The following KASH5 variants were observed in gnomAD, a reference collection of about 807,000 sequenced individuals.
KASH5 encodes the protein KASH domain containing 5, also known as protein KASH5.
In KASH5, 72 loss-of-function variants were observed where a neutral mutation model predicts 84.2. That is an observed-to-expected ratio of 0.85 (90% CI 0.71 to 1.04). The LOEUF is 1.04. Among genes scored for constraint, KASH5 ranks in the 50% least tolerant of loss-of-function variants. The probability of loss-of-function intolerance (pLI) is 0.00; values close to 1 mark genes in which losing one functional copy is unlikely to be tolerated. For missense variants in KASH5, 650 were observed against 701.0 expected (o/e 0.93, Z 0.82); for synonymous variants, 260 against 279.1 (o/e 0.93, Z 0.68).
rs1974471843 is a variant in KASH5, at chr19:49,404,800, T to C, written c.799-2086T>C. 2.0e-5 allele frequency among the ~76,000 whole-genome samples: 3 copies of C among 152,192 alleles called. No individual in the cohort carries two copies. In the South Asian group the frequency reaches 6.2e-4, roughly 32 times the overall value. On this transcript the variant is annotated intron_variant, in intron 9 of 19. Transcript: ENST00000447857. ...GGGCAACCAGACTTGGCATTACTCC[T>C]GAATGGCACAATTTGATATGTATAG...
In KASH5 at chr19:49,399,064, G is replaced by T; in HGVS notation, c.669G>T (p.Glu223Asp). Reference protein sequence around the residue: ...QALQFAKAMDEELEDLKTLAR... With the variant: ...QALQFAKAMDDELEDLKTLAR... ...TGCAGTTTGCCAAGGCCATGGATGA[G>T]GAGCTGGAGGACCTGAAGACTCTGG... The change falls in exon 8 of 20, where the codon GAG becomes GAT. Residue 223 changes from glutamate (E) to aspartate (D), a missense_variant. Coordinates refer to ENST00000447857, the MANE Select transcript of KASH5 (RefSeq NM_144688.5). The surrounding 1 kb of genome is among the most constrained non-coding windows in gnomAD (Gnocchi z 4.4). 1.3e-6 allele frequency: 2 copies of T among 1,551,674 alleles called. No homozygotes were observed. Among genetic ancestry groups the T allele is most frequent in the Non-Finnish European group, 1.7e-6 (2 of 1,146,990 alleles).
In KASH5 at chr19:49,399,201, G is replaced by A. The variant is rs544348751; in HGVS notation, c.747+59G>A. On this transcript the variant is annotated intron_variant, in intron 8 of 19. Transcript: ENST00000447857. The surrounding 1 kb of genome is among the most constrained non-coding windows in gnomAD (Gnocchi z 4.4). ...TCTCTTCTTTGTTTCCTGGAGTCAG[G>A]GCGGCAGAGTGTGACTATGGAGTAG... is the stretch of plus-strand genomic sequence containing the variant. The A allele has an allele frequency of 1.7e-4, 236 of 1,427,070 alleles. No homozygotes were observed. The African/African-American group carries it at 3.1e-3, about 18-fold the overall frequency. 88.4% of individuals were successfully genotyped at this position (1,427,070 alleles called of 1,614,324 possible).
At position 49,399,595 on chromosome 19, in the gene KASH5, C is replaced by T. The variant is rs1380448829; in HGVS notation, c.798+88C>T. On this transcript the variant is annotated intron_variant, in intron 9 of 19. Transcript: ENST00000447857. This position sits in a 1 kb window ranked among gnomAD's most constrained non-coding sequence, Gnocchi z 4.4. ...CTCCCTTCTGCCCCCAACACCCCAG[C>T]AGCCTGTCTTGGGGAGACCTCAGAA... 6.4e-7 allele frequency: 1 copy of T among 1,551,842 alleles called. No individual in the cohort carries two copies. Among genetic ancestry groups the T allele is most frequent in the South Asian group, 1.2e-5 (1 of 84,114 alleles).
At chr19:49,389,136 A>C in intron 1 of KASH5, among the ~76,000 whole-genome samples, 1 of 76,720 alleles carries the variant, frequency 1.3e-5, no homozygotes, top group Non-Finnish European at 2.3e-5. Context: ...AGACCCCCGC[A>C]TAAATCAAGA....
rs201890660 is a variant in KASH5, at chr19:49,395,174, C to A, written c.217C>A (p.Arg73Ser). 6.2e-7 allele frequency: 1 copy of A among 1,612,964 alleles called. No individual in the cohort carries two copies. The highest frequency in any genetic ancestry group is 1.3e-5 in the African/African-American group (1 of 75,000). ...GACAGGCCAGGGCCCCCAGGATGCA[C>A]GCCTCCAAACATTGGCCAACAGCCT... ...AVTGQGPQDARLQTLANSLDP... is the reference protein window; with the variant it reads ...AVTGQGPQDASLQTLANSLDP... Residue 73 changes from arginine to serine, a missense_variant, in exon 4 of 20, where the codon CGC (arginine) becomes AGC (serine). Coordinates refer to ENST00000447857, the MANE Select transcript of KASH5 (RefSeq NM_144688.5). This position sits in a 1 kb window ranked among gnomAD's most constrained non-coding sequence, Gnocchi z 4.4.
At chr19:49,402,168 G>A (rs1051941444) in intron 9 of KASH5, among the ~76,000 whole-genome samples, 12 of 151,886 alleles carry the variant, frequency 7.9e-5, no homozygotes, top group Non-Finnish European at 1.8e-4. Flanking sequence ...CTTGAACCCA[G>A]GAGGCAGAGG....
chr19:49,394,710 G>A, intron 3 of KASH5, 130 bp downstream of exon 3: 1 of 681,048 alleles, frequency 1.5e-6, no homozygotes, highest in Admixed American at 2.6e-5. Context: ...CAAAGTGGGT[G>A]ATTATGGGAA....
chr19:49,406,744 G>A, intron 9 of KASH5, 142 bp from the exon 10 acceptor site: 1 of 722,118 alleles, frequency 1.4e-6, no homozygotes, highest in Middle Eastern at 2.6e-4. Flanking sequence ...TGGAATGGTT[G>A]GAGGAATTAA....
intron 9 of KASH5, among the ~76,000 whole-genome samples, chr19:49,404,883 C>G (rs1568617522): frequency 6.6e-6 from 1 of 152,144 alleles, no homozygotes; most frequent in African/African-American, 2.4e-5. Flanking sequence ...CTGGATCTAC[C>G]TACCAGTTTA....
intron 5 of KASH5, among the ~76,000 whole-genome samples, chr19:49,396,064 A>T (rs996777553): frequency 1.3e-5 from 2 of 151,922 alleles, no homozygotes; most frequent in Non-Finnish European, 2.9e-5. Flanking sequence ...CCTATTAGAG[A>T]GGCCTACGAG....
intron 9 of KASH5, among the ~76,000 whole-genome samples, chr19:49,403,383 A>G (rs540736108): frequency 0.014 from 1,299 of 95,634 alleles, 6 homozygotes; most frequent in Non-Finnish European, 0.018. Flanking sequence ...AAATAAAAAA[A>G]AAGGGGGGGG....
chr19:49,391,591 A>G (rs1243815207), intron 2 of KASH5: 1 of 152,206 alleles, frequency 6.6e-6, no homozygotes, highest in Non-Finnish European at 1.5e-5. Context: ...TAAAAAATGT[A>G]TCCAGATAAT....
chr19:49,389,007 C>G (rs909443279), intron 1 of KASH5, among the ~76,000 whole-genome samples: 1 of 151,832 alleles, frequency 6.6e-6, no homozygotes, highest in Non-Finnish European at 1.5e-5. Flanking sequence ...GAAATGCACT[C>G]AGAGACCCCC....
intron 9 of KASH5, among the ~76,000 whole-genome samples, chr19:49,403,408 C>A (rs1393903850): frequency 6.6e-6 from 1 of 152,094 alleles, no homozygotes; most frequent in Non-Finnish European, 1.5e-5. Context: ...CCAGGAAATG[C>A]CCCTCTCGTG....
Position 49,417,207 on chromosome 19 carries a change from G to C in KASH5, c.1488G>C (p.Lys496Asn). 1.2e-6 allele frequency: 2 copies of C among 1,613,900 alleles called. No individual in the cohort carries two copies. Among genetic ancestry groups the C allele is most frequent in the East Asian group, 2.2e-5 (1 of 44,884 alleles). The change falls in exon 19 of 20, where the codon AAG becomes AAC. Residue 496 changes from lysine (K) to asparagine (N), a missense_variant. Physicochemically the swap from Lys to Asn is moderately conservative, Grantham distance 94. Transcript: ENST00000447857. This position sits in a 1 kb window ranked among gnomAD's most constrained non-coding sequence, Gnocchi z 5.2. ...LQQALVPVMK[K>N]LVPVRRRAWG... ...AAGCCCTGGTGCCTGTGATGAAAAAGCTGGTCCCAGTCAGGAGGAGGGCCT... is the reference window on the plus strand; with the variant it reads ...AAGCCCTGGTGCCTGTGATGAAAAACCTGGTCCCAGTCAGGAGGAGGGCCT...
At position 49,409,288 on chromosome 19, in the gene KASH5, G is replaced by A. The variant is rs188572864; in HGVS notation, c.1146+5G>A. 675 of 1,613,064 alleles carry A rather than the reference G, an allele frequency of 4.2e-4. 2 individuals are homozygous for A. In the African/African-American group the frequency reaches 7.2e-3, roughly 17 times the overall value. ...GAGATCGAGGCCATTCGACAGGTGG[G>A]CCTAACACCCCTGGAATAAGCTGCA... is the stretch of plus-strand genomic sequence containing the variant. On this transcript the variant is annotated splice_donor_5th_base_variant and intron_variant, in intron 14 of 19. Transcript: ENST00000447857.
intron 17 of KASH5, chr19:49,415,252 G>A (rs1190239484): frequency 3.5e-6 from 2 of 566,454 alleles, no homozygotes; most frequent in Non-Finnish European, 6.3e-6. Context: ...CAGGGCTGCA[G>A]CCACCACACC....
intron 15 of KASH5, 41 bp downstream of exon 15, chr19:49,409,916 G>C: frequency 6.2e-7 from 1 of 1,605,442 alleles, no homozygotes; most frequent in Non-Finnish European, 8.5e-7. Context: ...AGCTGGAAAG[G>C]GGCCAGGAGC....
Position 49,408,105 on chromosome 19 carries a change from G to A in KASH5, c.993+434G>A, listed in dbSNP as rs186578366. Among the ~76,000 whole-genome samples the A allele has an allele frequency of 3.4e-3, 515 of 152,068 alleles. 6 individuals are homozygous for A. Among genetic ancestry groups the A allele is most frequent in the Admixed American group, 4.6e-3 (70 of 15,276 alleles). On this transcript the variant is annotated intron_variant, in intron 12 of 19. Transcript: ENST00000447857. ...TAATTTTTGTGTTTTTAGTAGAGAC[G>A]GGGTTTCACCATGTTGGCCAGGATG...
Sources: gnomAD v4.1 joint callset for allele counts (sites outside exome capture counted in the v4.1 genomes callset) on GRCh38, gnomAD v4.1.1 for gene constraint, Gnocchi (gnomAD v3.1) non-coding constraint, MANE v1.5 for transcripts, NCBI Gene and HGNC (gene_info 2026-07-23, HGNC 2026-07-21) for gene names.